UBE3B: variants seen among roughly 807,000 people sequenced by gnomAD.
UBE3B encodes the protein ubiquitin-protein ligase E3B.
Under a neutral mutation model 132.3 loss-of-function variants are expected in UBE3B, and 80 were observed. The ratio of observed to expected loss-of-function variants is 0.60; its 90% CI spans 0.50 to 0.73. The LOEUF (loss-of-function observed/expected upper bound fraction) is 0.73, where lower values mean the gene tolerates loss of function less well. Among genes scored for constraint, UBE3B ranks in the 30% least tolerant of loss-of-function variants. The probability of loss-of-function intolerance (pLI) is 0.00; values close to 1 mark genes in which losing one functional copy is unlikely to be tolerated. For synonymous variants in UBE3B, 487 were observed against 520.4 expected (o/e 0.94, Z 0.87); for missense variants, 1,196 against 1,362.5 (o/e 0.88, Z 1.92).
chr12:109,510,577 T>C lies in UBE3B; in HGVS notation c.1856+119T>C, dbSNP rs1880257135. On this transcript the variant is annotated intron_variant, in intron 17 of 27. Coordinates refer to ENST00000342494, the MANE Select transcript of UBE3B (RefSeq NM_130466.4). ...CTTTTTCCCTCTGCTTCATTTTGTC[T>C]GTTCATTTGTGTAAAGAGAGCTGCT... The C allele has an allele frequency of 6.4e-6, 5 of 776,014 alleles. No homozygotes were observed. In the South Asian group the frequency reaches 6.7e-5, roughly 10 times the overall value. 48.1% of individuals were successfully genotyped at this position (776,014 alleles called of 1,614,324 possible).
At position 109,507,644 on chromosome 12, in the gene UBE3B, T is replaced by C. The variant is rs1049044330; in HGVS notation, c.1531T>C (p.Phe511Leu). The change falls in exon 15 of 28, where the codon TTC (phenylalanine) becomes CTC (leucine). Residue 511 changes from phenylalanine (F) to leucine (L), a missense_variant. Transcript: ENST00000342494. ...ELGPHGGLKL[F>L]LECLNNDTEE... ...CGGGCCCCACGGAGGGTTAAAGCTC[T>C]TCTTGGAATGCCTGAACAATGACAC... is the stretch of plus-strand genomic sequence containing the variant. The C allele has an allele frequency of 2.3e-5, 37 of 1,614,208 alleles. No homozygotes were observed. Among genetic ancestry groups the C allele is most frequent in the Non-Finnish European group, 3.1e-5 (37 of 1,180,032 alleles).
intron 18 of UBE3B, 80 bp downstream of exon 18, chr12:109,511,383 C>A: frequency 2.3e-6 from 3 of 1,292,254 alleles, no homozygotes; most frequent in Middle Eastern, 2.0e-4. Context: ...CTTGCTATGG[C>A]AATTGGAGGT....
In UBE3B at chr12:109,497,932, G is replaced by C; in HGVS notation, c.819+9G>C. 1 of 1,613,400 alleles carries C rather than the reference G, an allele frequency of 6.2e-7. No individual in the cohort carries two copies. The highest frequency in any genetic ancestry group is 8.5e-7 in the Non-Finnish European group (1 of 1,179,542). ...GCACAGTGACCCCTGAGGTAAGCAG[G>C]CTCTGTGAGTTCCCCGTGAAAACCC... On this transcript the variant is annotated intron_variant, in intron 10 of 27. Coordinates refer to ENST00000342494, the MANE Select transcript of UBE3B (RefSeq NM_130466.4).
At chr12:109,525,315 C>T (rs1759468236) in intron 23 of UBE3B, among the ~76,000 whole-genome samples, 2 of 152,212 alleles carry the variant, frequency 1.3e-5, no homozygotes, top group African/African-American at 4.8e-5. Flanking sequence ...GAGTTAATCT[C>T]AAGCTTCCCT....
chr12:109,499,181 G>A (rs1054496712), intron 11 of UBE3B, among the ~76,000 whole-genome samples: 5 of 152,140 alleles, frequency 3.3e-5, no homozygotes, highest in African/African-American at 1.2e-4. Flanking sequence ...ACTGGTGAAC[G>A]TTGAATAACA....
At chr12:109,525,245 T>C (rs1417094889) in intron 23 of UBE3B, among the ~76,000 whole-genome samples, 1 of 152,156 alleles carries the variant, frequency 6.6e-6, no homozygotes, top group East Asian at 1.9e-4. Flanking sequence ...GAAAGGCCCC[T>C]GGGCAGGCTG....
At chr12:109,529,814 C>T in intron 24 of UBE3B, 76 bp from the exon 25 acceptor site, 1 of 1,538,452 alleles carries the variant, frequency 6.5e-7, no homozygotes, top group African/African-American at 1.4e-5. Context: ...AATGACTAGA[C>T]TGTCTTTCAG....
chr12:109,490,816 TG>T, intron 8 of UBE3B: 1 of 1,299,126 alleles, frequency 7.7e-7, no homozygotes, highest in Non-Finnish European at 1.0e-6. Context: ...TTTGTTTTTT[TG>T]TTTTTTTGTT....
intron 9 of UBE3B, chr12:109,492,324 A>T (rs1592898168): frequency 6.7e-6 from 1 of 148,880 alleles, no homozygotes; most frequent in East Asian, 1.9e-4. Context: ...GCCACATGTA[A>T]CTAGTAGCAA....
Position 109,536,208 on chromosome 12 carries a change from G to A in UBE3B, c.*1426G>A, listed in dbSNP as rs1262792352. 1 of 152,246 alleles carries A rather than the reference G, an allele frequency of 6.6e-6. No individual in the cohort carries two copies. Among genetic ancestry groups the A allele is most frequent in the Non-Finnish European group, 1.5e-5 (1 of 68,044 alleles). 9.4% of individuals were successfully genotyped at this position (152,246 alleles called of 1,614,324 possible). On this transcript the variant is annotated 3_prime_UTR_variant, in exon 28 of 28. Transcript: ENST00000342494. ...CTCTACTTTGATGGAAACATGGCAA[G>A]GAATTTAAAGACAGGAATGTATTAA...
At position 109,516,863 on chromosome 12, in the gene UBE3B, C is replaced by A; in HGVS notation, c.2055C>A (p.Ile685=). ...SASPHVTHIT[I]RRSRMLEDGY... ...CCCCGCATGTCACTCACATCACCAT[C>A]CGCCGGTCCAGGATGCTGGAGGTGA... is the stretch of plus-strand genomic sequence containing the variant. The change falls in exon 19 of 28, where the codon ATC becomes ATA. Residue 685 remains isoleucine, a synonymous_variant. Coordinates refer to ENST00000342494, the MANE Select transcript of UBE3B (RefSeq NM_130466.4). 2 of 1,614,054 alleles carry A rather than the reference C, an allele frequency of 1.2e-6. No individual in the cohort carries two copies. The highest frequency in any genetic ancestry group is 1.7e-6 in the Non-Finnish European group (2 of 1,180,014).
At position 109,511,125 on chromosome 12, in the gene UBE3B, A is replaced by G. The variant is rs1052691539; in HGVS notation, c.1857-79A>G. 72 of 1,290,412 alleles carry G rather than the reference A, an allele frequency of 5.6e-5. 3 individuals carry two copies. Among genetic ancestry groups the G allele is most frequent in the Non-Finnish European group, 2.1e-5 (19 of 908,344 alleles). 79.9% of individuals were successfully genotyped at this position (1,290,412 alleles called of 1,614,324 possible). On this transcript the variant is annotated intron_variant, in intron 17 of 27. Coordinates refer to ENST00000342494, the MANE Select transcript of UBE3B (RefSeq NM_130466.4). Reference sequence around the variant, plus strand: ...AGACAGCACCCTGCATGTGGCCCACATGGTGTCATTTCCCAGCCTCACACT... The same window carrying G: ...AGACAGCACCCTGCATGTGGCCCACGTGGTGTCATTTCCCAGCCTCACACT...
Position 109,503,172 on chromosome 12 carries a change from C to T in UBE3B, c.1432C>T (p.Arg478Trp), listed in dbSNP as rs374348924. The T allele has an allele frequency of 5.6e-6, 9 of 1,614,022 alleles. No homozygotes were observed. The highest frequency in any genetic ancestry group is 4.5e-5 in the East Asian group (2 of 44,900). The stretch of plus-strand genomic sequence containing the variant: ...CTCGCTGACAACTCTCACACAGATT[C>T]GGCTGCAGATACTCACAGGTTCGCA... ...QTSLTTLTQI[R>W]LQILTGLTYL... Residue 478 changes from arginine to tryptophan, a missense_variant, in exon 14 of 28, where the codon CGG becomes TGG. Transcript: ENST00000342494.
chr12:109,488,467 C>A, intron 6 of UBE3B, 105 bp from the exon 7 acceptor site: 1 of 988,520 alleles, frequency 1.0e-6, no homozygotes, highest in Non-Finnish European at 1.6e-6. Context: ...AATCCTGACT[C>A]AGTGATTCCA....
In UBE3B at chr12:109,486,454, CT is replaced by C; in HGVS notation, c.343-12del. ...CTCTATAACAGCCCATGACATTCCT[CT>C]TTTTCCCACCTATAGGTGTGGTATG... On this transcript the variant is annotated splice_polypyrimidine_tract_variant and intron_variant, in intron 5 of 27. Coordinates refer to ENST00000342494, the MANE Select transcript of UBE3B (RefSeq NM_130466.4). The C allele has an allele frequency of 6.3e-7, 1 of 1,586,728 alleles. No homozygotes were observed. The highest frequency in any genetic ancestry group is 1.1e-5 in the South Asian group (1 of 88,692).
intron 4 of UBE3B, among the ~76,000 whole-genome samples, chr12:109,484,380 G>C (rs906618386): frequency 6.6e-6 from 1 of 152,132 alleles, no homozygotes; most frequent in Non-Finnish European, 1.5e-5. Context: ...TACACACCTC[G>C]GTGGTGGACT....
intron 23 of UBE3B, among the ~76,000 whole-genome samples, 154 bp from the exon 24 acceptor site, chr12:109,526,204 G>A (rs1882314535): frequency 6.6e-6 from 1 of 152,146 alleles, no homozygotes; most frequent in Non-Finnish European, 1.5e-5. Context: ...TGATATTTCA[G>A]CCTTGACTTT....
At chr12:109,532,839 T>G (rs1883078676) in intron 26 of UBE3B, among the ~76,000 whole-genome samples, 1 of 152,210 alleles carries the variant, frequency 6.6e-6, no homozygotes, top group Non-Finnish European at 1.5e-5. Flanking sequence ...GCTGAGAGGT[T>G]ATTAGTCTCT....
chr12:109,516,961 T>G, intron 19 of UBE3B, 77 bp downstream of exon 19: 1 of 1,558,626 alleles, frequency 6.4e-7, no homozygotes, highest in Non-Finnish European at 8.7e-7. Context: ...GGACGGTCTC[T>G]GGCTTTTGAA....
Sources: gnomAD v4.1 joint callset for allele counts (sites outside exome capture counted in the v4.1 genomes callset) on GRCh38, gnomAD v4.1.1 for gene constraint, MANE v1.5 for transcripts, NCBI Gene and HGNC (gene_info 2026-07-23, HGNC 2026-07-21) for gene names.